Variants in ZFPM2 observed in about 807,000 individuals in gnomAD.
ZFPM2 encodes zinc finger protein ZFPM2.
Under a neutral mutation model 98.6 loss-of-function variants are expected in ZFPM2, and 20 were observed. The ratio of observed to expected loss-of-function variants is 0.20; its 90% CI spans 0.14 to 0.29. ZFPM2 has a LOEUF of 0.29. Ranked by LOEUF, ZFPM2 falls within the 10% of genes least tolerant of loss-of-function variation. The pLI is 1.00. For missense variants in ZFPM2, 1,310 were observed against 1,388.6 expected (o/e 0.94, Z 0.90); for synonymous variants, 518 against 502.7 (o/e 1.03, Z -0.41).
chr8:105,532,365 T>A (rs1814315263), intron 3 of ZFPM2, among the ~76,000 whole-genome samples: 1 of 152,170 alleles, frequency 6.6e-6, no homozygotes, highest in Non-Finnish European at 1.5e-5. Context: ...CTTTGCAAGT[T>A]TGGGATTGAA....
intron 1 of ZFPM2, among the ~76,000 whole-genome samples, chr8:105,342,590 C>T (rs1812450119): frequency 6.6e-6 from 1 of 151,596 alleles, no homozygotes; most frequent in Non-Finnish European, 1.5e-5. Context: ...AAGACAGCCA[C>T]AGAGAAAAGA....
rs368351101 is a variant in ZFPM2 at position 105,794,217 on chromosome 8, G to C, written c.740-4507G>C. Among the ~76,000 whole-genome samples, 120 of 152,002 alleles carry C rather than the reference G, an allele frequency of 7.9e-4. No homozygotes were observed. The East Asian group carries it at 0.022, about 28-fold the overall frequency. On this transcript the variant is annotated intron_variant, in intron 6 of 7. Transcript: ENST00000407775. ...CATCTTTGTGGTTTTATCTACTTTT[G>C]GTCTTTGATGATGGTGATGTACAGA...
At chr8:105,599,403 A>C (rs2130780993) in intron 4 of ZFPM2, among the ~76,000 whole-genome samples, 1 of 151,780 alleles carries the variant, frequency 6.6e-6, no homozygotes, top group African/African-American at 2.4e-5. Context: ...AAAAAAAAAA[A>C]AAAATGAAGG....
Position 105,803,215 on chromosome 8 carries a change from A to C in ZFPM2, c.3133A>C (p.Asn1045His). 1 of 1,612,128 alleles carries C rather than the reference A, an allele frequency of 6.2e-7. No homozygotes were observed. The highest frequency in any genetic ancestry group is 2.2e-5 in the East Asian group (1 of 44,826). Residue 1045 changes from asparagine (N) to histidine (H), a missense_variant, in exon 8 of 8, where the codon AAT (asparagine) becomes CAT (histidine). Physicochemically the swap from Asn to His is moderately conservative, Grantham distance 68. Transcript: ENST00000407775. Reference protein sequence around the residue: ...LPKNRGMVIVNGGLKQDERPA... With the variant: ...LPKNRGMVIVHGGLKQDERPA... ...CAAAAATCGAGGAATGGTAATAGTG[A>C]ATGGTGGACTGAAACAAGATGAGAG...
chr8:105,679,279 G>A (rs1810546762), intron 5 of ZFPM2, among the ~76,000 whole-genome samples: 1 of 152,142 alleles, frequency 6.6e-6, no homozygotes, highest in African/African-American at 2.4e-5. Context: ...AATCCCACAT[G>A]GCAACAAATG....
rs756871219 is a variant in ZFPM2, at chr8:105,802,456, C to A, written c.2374C>A (p.Pro792Thr). Residue 792 changes from proline (P) to threonine (T), a missense_variant, in exon 8 of 8, where the codon CCA becomes ACA. By Grantham distance (38) the Pro-to-Thr change is conservative (BLOSUM62 -1). Transcript: ENST00000407775. The stretch of plus-strand genomic sequence containing the variant: ...CTACCACCCAAGATGTGATATCTTT[C>A]CAGGAATTGTCTCTAAACACTTGGA... Reference protein sequence around the residue: ...ECYHPRCDIFPGIVSKHLETS... With the variant: ...ECYHPRCDIFTGIVSKHLETS... 6.2e-7 allele frequency: 1 copy of A among 1,613,638 alleles called. No individual in the cohort carries two copies. The highest frequency in any genetic ancestry group is 8.5e-7 in the Non-Finnish European group (1 of 1,179,784).
chr8:105,588,216 G>A (rs2130758277), intron 4 of ZFPM2, among the ~76,000 whole-genome samples: 1 of 152,192 alleles, frequency 6.6e-6, no homozygotes, highest in African/African-American at 2.4e-5. Context: ...TTGATCTAAG[G>A]AATAGTCTGG....
intron 3 of ZFPM2, among the ~76,000 whole-genome samples, chr8:105,508,806 T>A (rs1254269881): frequency 2.0e-5 from 3 of 151,610 alleles, no homozygotes; most frequent in Non-Finnish European, 4.4e-5. Flanking sequence ...CAGATTTTTT[T>A]TTTTCCCCCT....
At chr8:105,522,073 A>C (rs1814075749) in intron 3 of ZFPM2, among the ~76,000 whole-genome samples, 1 of 152,202 alleles carries the variant, frequency 6.6e-6, no homozygotes, top group Non-Finnish European at 1.5e-5. Flanking sequence ...ATAAATGCAT[A>C]TGAAAGTCAT....
chr8:105,508,879 A>G (rs1328203314), intron 3 of ZFPM2, among the ~76,000 whole-genome samples: 4 of 150,834 alleles, frequency 2.7e-5, no homozygotes, highest in African/African-American at 9.8e-5. Flanking sequence ...TTTAATGTGG[A>G]AGAAATCTTG....
At chr8:105,638,911 G>A (rs554609409) in intron 5 of ZFPM2, among the ~76,000 whole-genome samples, 2 of 152,152 alleles carry the variant, frequency 1.3e-5, no homozygotes, top group South Asian at 2.1e-4. Flanking sequence ...ATTCGAATCT[G>A]ATGTACATTG....
intron 3 of ZFPM2, among the ~76,000 whole-genome samples, chr8:105,556,168 G>A (rs1056110117): frequency 1.3e-5 from 2 of 152,092 alleles, no homozygotes; most frequent in Admixed American, 1.3e-4. Flanking sequence ...ATGAATTGAG[G>A]CTGGTGGGTT....
At position 105,796,429 on chromosome 8, in the gene ZFPM2, C is replaced by G. The variant is rs377671653; in HGVS notation, c.740-2295C>G. Among the ~76,000 whole-genome samples the G allele has an allele frequency of 3.9e-5, 6 of 152,270 alleles. No homozygotes were observed. In the East Asian group the frequency reaches 1.2e-3, roughly 29 times the overall value. ...TCATCCTGCTTAAATGGACCCTTTA[C>G]TAAACTGTGTAGCCTCATGAATAGT... On this transcript the variant is annotated intron_variant, in intron 6 of 7. Coordinates refer to ENST00000407775, the MANE Select transcript of ZFPM2 (RefSeq NM_012082.4).
At chr8:105,733,043 C>A (rs1322543994) in intron 5 of ZFPM2, among the ~76,000 whole-genome samples, 2 of 151,550 alleles carry the variant, frequency 1.3e-5, no homozygotes, top group Non-Finnish European at 2.9e-5. Flanking sequence ...ATTTTTATAC[C>A]CATGTTAAGT....
At chr8:105,493,141 G>C (rs1389060403) in intron 3 of ZFPM2, among the ~76,000 whole-genome samples, 3 of 152,284 alleles carry the variant, frequency 2.0e-5, no homozygotes, top group Non-Finnish European at 4.4e-5. Flanking sequence ...TTCTCTTAAT[G>C]ACTTTCATTG....
chr8:105,413,341 A>G (rs1214126744), intron 1 of ZFPM2, among the ~76,000 whole-genome samples: 6 of 151,732 alleles, frequency 4.0e-5, no homozygotes, highest in Admixed American at 4.0e-4. Context: ...AATAGAGTAT[A>G]CCTATGTAGA....
At chr8:105,576,133 C>CTT (rs1337458386) in intron 4 of ZFPM2, among the ~76,000 whole-genome samples, 1 of 152,098 alleles carries the variant, frequency 6.6e-6, no homozygotes, top group African/African-American at 2.4e-5. Context: ...AGCTAAAGCT[C>CTT]CAGCAAAATA....
chr8:105,619,837 C>G (rs1816497489), intron 4 of ZFPM2, among the ~76,000 whole-genome samples: 1 of 152,100 alleles, frequency 6.6e-6, no homozygotes, highest in African/African-American at 2.4e-5. Flanking sequence ...CAGCTTCATC[C>G]ATGTCCCTAC....
chr8:105,364,657 CAAA>C (rs529091109), intron 1 of ZFPM2, among the ~76,000 whole-genome samples: 1 of 117,264 alleles, frequency 8.5e-6, no homozygotes. Flanking sequence ...GCAAGAATAC[CAAA>C]AAAAAAAAAA....
Sources: allele counts gnomAD v4.1 joint callset (sites outside exome capture counted in the v4.1 genomes callset), GRCh38; gene constraint gnomAD v4.1.1; transcripts MANE v1.5; gene names NCBI Gene and HGNC (gene_info 2026-07-23, HGNC 2026-07-21).